Variants in ALDH1L1 observed in about 807,000 individuals in gnomAD.
The protein encoded by ALDH1L1 is cytosolic 10-formyltetrahydrofolate dehydrogenase.
ALDH1L1 carries 68 observed loss-of-function variants against 101.1 expected under a neutral mutation model. That is an observed-to-expected ratio of 0.67 (90% CI 0.55 to 0.82). The LOEUF (loss-of-function observed/expected upper bound fraction) is 0.82, where lower values mean the gene tolerates loss of function less well. ALDH1L1 is among the 40% of genes least tolerant of loss of function. The pLI is 0.00. For synonymous variants in ALDH1L1, 486 were observed against 470.8 expected (o/e 1.03, Z -0.42); for missense variants, 1,087 against 1,172.7 (o/e 0.93, Z 1.07).
intron 19 of ALDH1L1, 131 bp downstream of exon 19, chr3:126,112,651 C>T (rs1041343550): frequency 1.1e-5 from 9 of 809,098 alleles, no homozygotes; most frequent in Admixed American, 2.1e-5. Flanking sequence ...CCCTGACCCC[C>T]GGGGGGAGTG....
chr3:126,127,640 G>T (rs575649202), intron 14 of ALDH1L1, among the ~76,000 whole-genome samples: 9 of 152,316 alleles, frequency 5.9e-5, no homozygotes, highest in Middle Eastern at 3.4e-3. Context: ...TGAGGGGAAG[G>T]GGCTCCCCAC....
chr3:126,114,678 T>C (rs760514435), intron 17 of ALDH1L1, 22 bp from the exon 18 acceptor site: 11 of 1,546,554 alleles, frequency 7.1e-6, no homozygotes, highest in Middle Eastern at 1.7e-4. Flanking sequence ...AGAGGGCTGG[T>C]GGGGCCGGTC....
intron 2 of ALDH1L1, 93 bp from the exon 3 acceptor site, chr3:126,158,732 C>G: frequency 8.4e-7 from 1 of 1,197,008 alleles, no homozygotes; most frequent in Non-Finnish European, 1.2e-6. Flanking sequence ...CATAGGACTT[C>G]TCTCCATTCC....
At chr3:126,194,574 G>A (rs890506808) in intron 1 of ALDH1L1, among the ~76,000 whole-genome samples, 1 of 152,076 alleles carries the variant, frequency 6.6e-6, no homozygotes, top group African/African-American at 2.4e-5. Context: ...AACCATTTGT[G>A]CTTTTATTTC....
chr3:126,137,899 T>G lies in ALDH1L1; in HGVS notation c.1138A>C (p.Met380Leu). ...ATGAAGTCCCCAAAGGTGGATGCCA[T>G]GTACACATCTTCATTTTCTAACTCC... ...GLELENEDVY[M>L]ASTFGDFIQL... The change falls in exon 10 of 23, where the codon ATG (methionine) becomes CTG (leucine). Residue 380 changes from methionine (M) to leucine (L), a missense_variant. By Grantham distance (15) the Met-to-Leu change is conservative (BLOSUM62 2). Around this residue, in one of 2 missense-constraint regions of ALDH1L1, gnomAD observed 645 missense variants for 637.0 expected, o/e 1.01. Transcript: ENST00000393434. The G allele has an allele frequency of 6.2e-7, 1 of 1,614,200 alleles. No homozygotes were observed. Among genetic ancestry groups the G allele is most frequent in the Non-Finnish European group, 8.5e-7 (1 of 1,180,020 alleles).
At chr3:126,163,534 C>T (rs2081105279) in intron 1 of ALDH1L1, among the ~76,000 whole-genome samples, 1 of 152,108 alleles carries the variant, frequency 6.6e-6, no homozygotes, top group Non-Finnish European at 1.5e-5. Flanking sequence ...AGAAACCATT[C>T]AATATTTGAC....
At chr3:126,142,173 A>T (rs2080581521) in intron 9 of ALDH1L1, among the ~76,000 whole-genome samples, 1 of 93,886 alleles carries the variant, frequency 1.1e-5, no homozygotes, top group Non-Finnish European at 2.1e-5. Context: ...GAATAGATAT[A>T]TAACTAGTAA....
intron 1 of ALDH1L1, among the ~76,000 whole-genome samples, chr3:126,196,453 G>A (rs2081582683): frequency 6.6e-6 from 1 of 150,588 alleles, no homozygotes; most frequent in Non-Finnish European, 1.5e-5. Flanking sequence ...AAGGCTGTTA[G>A]AGCTTGAATA....
At chr3:126,188,546 T>G (rs2081534379) in intron 1 of ALDH1L1, among the ~76,000 whole-genome samples, 1 of 152,210 alleles carries the variant, frequency 6.6e-6, no homozygotes, top group Non-Finnish European at 1.5e-5. Context: ...AAATTTAATT[T>G]AACAACCCCT....
intron 19 of ALDH1L1, among the ~76,000 whole-genome samples, chr3:126,112,112 A>AG (rs3836259): frequency 0.27 from 40,852 of 152,122 alleles, 5,989 homozygotes; most frequent in African/African-American, 0.39. Flanking sequence ...AAACCTCCCA[A>AG]GGGGACTCAG....
chr3:126,186,494 C>A (rs575327558), upstream of ALDH1L1, among the ~76,000 whole-genome samples: 1 of 65,536 alleles, frequency 1.5e-5, no homozygotes, highest in South Asian at 4.5e-4. Flanking sequence ...TGACCCTGAA[C>A]CTGACCCTGA....
intron 1 of ALDH1L1, among the ~76,000 whole-genome samples, chr3:126,166,977 C>T (rs1385379261): frequency 4.6e-5 from 7 of 152,168 alleles, no homozygotes; most frequent in South Asian, 2.1e-4. Flanking sequence ...TTCATTTATA[C>T]TATAAAACAA....
In ALDH1L1 at chr3:126,150,517, A is replaced by G. The variant is rs3732544; in HGVS notation, c.873T>C (p.Asn291=). ...GNDDKMLLVK[N]IQLEDGKMIL... is the part of the protein sequence containing the mutation. Reference sequence around the variant, plus strand: ...TCATTTTGCCATCCTCCAGCTGAATATTCTTCACCAGCAGCTGCAAAAGGA... The same window carrying G: ...TCATTTTGCCATCCTCCAGCTGAATGTTCTTCACCAGCAGCTGCAAAAGGA... Residue 291 remains asparagine (N), a synonymous_variant, in exon 8 of 23, where the codon AAT becomes AAC. Coordinates refer to ENST00000393434, the MANE Select transcript of ALDH1L1 (RefSeq NM_012190.4). The G allele has an allele frequency of 2.3e-5, 35 of 1,551,188 alleles. No homozygotes were observed. The East Asian group carries it at 7.8e-4, about 35-fold the overall frequency.
intron 5 of ALDH1L1, 131 bp downstream of exon 5, chr3:126,155,271 T>A (rs2080882073): frequency 1.4e-6 from 1 of 717,314 alleles, no homozygotes; most frequent in Admixed American, 3.3e-5. Context: ...TGACCTGGGC[T>A]GCCCTGTGTT....
At chr3:126,126,349 G>A (rs1281434725) in intron 14 of ALDH1L1, among the ~76,000 whole-genome samples, 2 of 152,192 alleles carry the variant, frequency 1.3e-5, no homozygotes, top group Non-Finnish European at 2.9e-5. Context: ...TATGAATCCT[G>A]TGTGGCCCTG....
upstream of ALDH1L1, among the ~76,000 whole-genome samples, chr3:126,185,647 G>A (rs536008737): frequency 2.5e-4 from 38 of 152,026 alleles, no homozygotes; most frequent in South Asian, 7.9e-3. Context: ...AGCTGCAGGA[G>A]AGAAGCTGGC....
At chr3:126,181,136 G>T, upstream of ALDH1L1, 1 of 798,028 alleles carries the variant, frequency 1.3e-6, no homozygotes, top group Non-Finnish European at 2.1e-6. Flanking sequence ...TTTTCTCTCT[G>T]CAATTCCCCT....
intron 15 of ALDH1L1, among the ~76,000 whole-genome samples, chr3:126,124,755 G>C (rs555442688): frequency 6.6e-6 from 1 of 152,348 alleles, no homozygotes; most frequent in African/African-American, 2.4e-5. Flanking sequence ...TCTAAAGCCA[G>C]AGGTTAAGGT....
chr3:126,131,318 TG>T, intron 13 of ALDH1L1, 65 bp downstream of exon 13: 2 of 1,481,632 alleles, frequency 1.3e-6, no homozygotes, highest in Non-Finnish European at 1.8e-6. Flanking sequence ...GTGCTGCCCT[TG>T]GAGTTCTCCT....
Sources: gnomAD v4.1 joint callset for allele counts (sites outside exome capture counted in the v4.1 genomes callset) on GRCh38, gnomAD v4.1.1 for gene constraint, gnomAD v4.1.1 regional missense constraint, MANE v1.5 for transcripts, NCBI Gene and HGNC (gene_info 2026-07-23, HGNC 2026-07-21) for gene names.